Variants in PPP2R5B observed in about 807,000 individuals in gnomAD.
PPP2R5B encodes protein phosphatase 2 regulatory subunit B'beta.
Under a neutral mutation model 59.9 loss-of-function variants are expected in PPP2R5B, and 19 were observed. The ratio of observed to expected loss-of-function variants is 0.32; its 90% CI spans 0.22 to 0.47. The LOEUF is 0.47. Ranked by LOEUF, PPP2R5B falls within the 20% of genes least tolerant of loss-of-function variation. The pLI, the probability that PPP2R5B is intolerant of heterozygous loss-of-function variation, is 1.00. For synonymous variants in PPP2R5B, 286 were observed against 260.5 expected (o/e 1.10, Z -0.94); for missense variants, 441 against 640.2 (o/e 0.69, Z 3.36).
chr11:64,926,902 C>G lies in PPP2R5B; in HGVS notation c.390C>G (p.Ile130Met). 6.2e-7 allele frequency: 1 copy of G among 1,613,664 alleles called. No individual in the cohort carries two copies. The highest frequency in any genetic ancestry group is 8.5e-7 in the Non-Finnish European group (1 of 1,179,718). Residue 130 changes from isoleucine (I) to methionine (M), a missense_variant, in exon 3 of 14, where the codon ATC becomes ATG. This residue lies in a region of PPP2R5B where 268 missense variants were observed against 488.1 expected (regional missense o/e 0.55). Transcript: ENST00000164133. ...VLIEPVYPDIIRMISVNIFRT... is the reference protein window; with the variant it reads ...VLIEPVYPDIMRMISVNIFRT... ...TCGAGCCCGTCTACCCAGACATCAT[C>G]CGCATGGTGAGCACCTGCCACCCAG...
At chr11:64,917,775 C>T (rs1320076554) in intron 1 of PPP2R5B, 1 of 152,230 alleles carries the variant, frequency 6.6e-6, no homozygotes, top group African/African-American at 2.4e-5. Flanking sequence ...GAGAAAGACC[C>T]TGCCTCAAAA....
rs765577553 is a variant in PPP2R5B, at chr11:64,925,844, G to C, written c.110G>C (p.Arg37Pro). The change falls in exon 2 of 14, where the codon CGC becomes CCC. Residue 37 changes from arginine (R) to proline (P), a missense_variant. Arg to Pro is a moderately radical substitution (Grantham distance 103, BLOSUM62 -2). Around this residue, in one of 3 missense-constraint regions of PPP2R5B, gnomAD observed 103 missense variants for 87.9 expected, o/e 1.17. Transcript: ENST00000164133. This position sits in a 1 kb window ranked among gnomAD's most constrained non-coding sequence, Gnocchi z 4.6. ...KVDGFSRRSL[R>P]RARPRRSHSS... is the part of the protein sequence containing the mutation. The stretch of plus-strand genomic sequence containing the variant: ...GACGGCTTCTCCCGCCGTTCCCTCC[G>C]CAGAGCCCGGCCCCGCCGCTCCCAC... 6.3e-7 allele frequency: 1 copy of C among 1,595,800 alleles called. No homozygotes were observed. Among genetic ancestry groups the C allele is most frequent in the Non-Finnish European group, 8.5e-7 (1 of 1,172,520 alleles).
At position 64,927,782 on chromosome 11, in the gene PPP2R5B, A is replaced by T; in HGVS notation, c.397-20A>T. ...GTCTTCAAGGGCTTTTCCTTAATGA[A>T]CCCCAACTCTGCCACTCAGATCTCA... On this transcript the variant is annotated intron_variant, in intron 3 of 13. Transcript: ENST00000164133. 1 of 1,551,564 alleles carries T rather than the reference A, an allele frequency of 6.4e-7. No homozygotes were observed. The highest frequency in any genetic ancestry group is 8.9e-7 in the Non-Finnish European group (1 of 1,123,890).
At chr11:64,926,976 A>G in intron 3 of PPP2R5B, 68 bp downstream of exon 3, 2 of 1,538,048 alleles carry the variant, frequency 1.3e-6, no homozygotes, top group South Asian at 2.4e-5. Context: ...TCCTGTCCGC[A>G]GGACCCCTGC....
At chr11:64,922,617 G>T (rs1179870700), upstream of PPP2R5B, among the ~76,000 whole-genome samples, 3 of 152,176 alleles carry the variant, frequency 2.0e-5, no homozygotes, top group Non-Finnish European at 4.4e-5. Flanking sequence ...GCTCACGCCT[G>T]TAATCCCAGC....
At chr11:64,917,946 C>G (rs1945055624) in intron 1 of PPP2R5B, among the ~76,000 whole-genome samples, 1 of 152,204 alleles carries the variant, frequency 6.6e-6, no homozygotes, top group South Asian at 2.1e-4. Flanking sequence ...CTTTTCATAT[C>G]TCTAGTCCTA....
chr11:64,934,408 T>A lies in PPP2R5B; in HGVS notation c.*564T>A. Reference sequence around the variant, plus strand: ...CACAGTGTCCTGGGGTAAGGGGGGGTTCACAGTAATCATGGTCTACTCCTC... The same window carrying A: ...CACAGTGTCCTGGGGTAAGGGGGGGATCACAGTAATCATGGTCTACTCCTC... On this transcript the variant is annotated 3_prime_UTR_variant, in exon 14 of 14. Transcript: ENST00000164133. 6.2e-6 allele frequency: 2 copies of A among 323,584 alleles called. No individual in the cohort carries two copies. The highest frequency in any genetic ancestry group is 1.2e-5 in the Non-Finnish European group (2 of 171,038). 20.0% of individuals were successfully genotyped at this position (323,584 alleles called of 1,614,324 possible).
In PPP2R5B at chr11:64,926,887, C is replaced by G. The variant is rs890402098; in HGVS notation, c.375C>G (p.Val125=). 71 of 1,614,014 alleles carry G rather than the reference C, an allele frequency of 4.4e-5. No homozygotes were observed. Among genetic ancestry groups the G allele is most frequent in the Non-Finnish European group, 5.8e-5 (69 of 1,180,008 alleles). The change falls in exon 3 of 14, where the codon GTC becomes GTG. Residue 125 remains valine (V), a synonymous_variant. Coordinates refer to ENST00000164133, the MANE Select transcript of PPP2R5B (RefSeq NM_006244.4). The part of the protein sequence containing the change: ...GSTRGVLIEP[V]YPDIIRMISV... ...CCCGGGGTGTCCTCATCGAGCCCGTCTACCCAGACATCATCCGCATGGTGA... is the reference window on the plus strand; with the variant it reads ...CCCGGGGTGTCCTCATCGAGCCCGTGTACCCAGACATCATCCGCATGGTGA...
At position 64,924,972 on chromosome 11, in the gene PPP2R5B, C is replaced by T. The variant is rs879267107; in HGVS notation, c.-321C>T. 6.6e-6 allele frequency: 1 copy of T among 152,296 alleles called. No homozygotes were observed. The highest frequency in any genetic ancestry group is 1.5e-5 in the Non-Finnish European group (1 of 68,076). 9.4% of individuals were successfully genotyped at this position (152,296 alleles called of 1,614,324 possible). A position where few individuals can be genotyped will look rare whatever the true frequency, so the allele number is the denominator to read the frequency against. On this transcript the variant is annotated 5_prime_UTR_variant, in exon 1 of 14. Transcript: ENST00000164133. Reference sequence around the variant, plus strand: ...CTGCGAAGGGGCCCTGAACGGCCGTCGCCCTCCCTACGGGCAGCCCCCGGG... The same window carrying T: ...CTGCGAAGGGGCCCTGAACGGCCGTTGCCCTCCCTACGGGCAGCCCCCGGG...
chr11:64,918,514 G>A (rs1407249150), intron 1 of PPP2R5B, among the ~76,000 whole-genome samples: 4 of 151,896 alleles, frequency 2.6e-5, no homozygotes, highest in Admixed American at 6.6e-5. Flanking sequence ...ATGCACCACC[G>A]CACCCAGCTA....
At chr11:64,923,711 C>G (rs1414336893), upstream of PPP2R5B, among the ~76,000 whole-genome samples, 3 of 152,208 alleles carry the variant, frequency 2.0e-5, no homozygotes, top group East Asian at 5.8e-4. Context: ...CTAGTCCCCT[C>G]CCCGACCTCA....
intron 13 of PPP2R5B, 87 bp from the exon 14 acceptor site, chr11:64,933,610 G>A (rs535336362): frequency 6.9e-7 from 1 of 1,440,958 alleles, no homozygotes; most frequent in East Asian, 2.5e-5. Flanking sequence ...TTTGCCGGTG[G>A]GGTGGTAGTG....
In PPP2R5B at chr11:64,931,743, A is replaced by ACC. The variant is rs1565105623; in HGVS notation, c.997-4_997-3dup. On this transcript the variant is annotated splice_polypyrimidine_tract_variant and splice_region_variant and intron_variant, in intron 10 of 13. Transcript: ENST00000164133. The surrounding 1 kb of genome is among the most constrained non-coding windows in gnomAD (Gnocchi z 5.0). ...CTGTCCCTACTCCCCTCCCCAACCC[A>ACC]CCCAGGTGATGTTTCTGGGGGAGAT... 6.2e-7 allele frequency: 1 copy of ACC among 1,613,376 alleles called. No homozygotes were observed. The highest frequency in any genetic ancestry group is 2.2e-5 in the East Asian group (1 of 44,872).
In PPP2R5B at chr11:64,931,622, G is replaced by A; in HGVS notation, c.996+13G>A. The A allele has an allele frequency of 6.2e-7, 1 of 1,613,724 alleles. No homozygotes were observed. Among genetic ancestry groups the A allele is most frequent in the Non-Finnish European group, 8.5e-7 (1 of 1,179,976 alleles). ...CACCCAGAAGGAGGTATGAAGAAGG[G>A]CTTTGATGCCCGCCAGAGGGAGGCT... is the stretch of plus-strand genomic sequence containing the variant. On this transcript the variant is annotated intron_variant, in intron 10 of 13. Coordinates refer to ENST00000164133, the MANE Select transcript of PPP2R5B (RefSeq NM_006244.4). This position sits in a 1 kb window ranked among gnomAD's most constrained non-coding sequence, Gnocchi z 5.0.
chr11:64,930,706 C>A lies in PPP2R5B; in HGVS notation c.891+117C>A, dbSNP rs571637652. The stretch of plus-strand genomic sequence containing the variant: ...TCTCACCTTCTTTGTCTTTATAATT[C>A]TGTTCCATCTACCTTAGAAAATTCC... On this transcript the variant is annotated intron_variant, in intron 8 of 13. Coordinates refer to ENST00000164133, the MANE Select transcript of PPP2R5B (RefSeq NM_006244.4). The A allele has an allele frequency of 1.5e-4, 126 of 857,246 alleles. 4 individuals are homozygous for A. The South Asian group carries it at 1.8e-3, about 12-fold the overall frequency. The allele number at this position is 857,246 out of a possible 1,614,324, so 53.1% of individuals were successfully genotyped here.
chr11:64,928,533 T>C, intron 6 of PPP2R5B, 108 bp downstream of exon 6: 2 of 1,520,192 alleles, frequency 1.3e-6, no homozygotes, highest in African/African-American at 1.4e-5. Flanking sequence ...TCCCAGCACT[T>C]TGGGAGGCCG....
rs1945154665 is a variant in PPP2R5B at position 64,925,698 on chromosome 11, C to A, written c.-37C>A. On this transcript the variant is annotated 5_prime_UTR_variant, in exon 2 of 14. Coordinates refer to ENST00000164133, the MANE Select transcript of PPP2R5B (RefSeq NM_006244.4). This position sits in a 1 kb window ranked among gnomAD's most constrained non-coding sequence, Gnocchi z 4.6. ...CACCTCCCAGGCCCAGAGAGAACCC[C>A]CGGGGCTCTGAAAGCTTGCCCTGCC... is the stretch of plus-strand genomic sequence containing the variant. 7.9e-6 allele frequency: 11 copies of A among 1,395,164 alleles called. No individual in the cohort carries two copies. Among genetic ancestry groups the A allele is most frequent in the Non-Finnish European group, 1.1e-5 (11 of 998,734 alleles). 86.4% of individuals were successfully genotyped at this position (1,395,164 alleles called of 1,614,324 possible).
At chr11:64,927,217 T>G (rs1945176908) in intron 3 of PPP2R5B, among the ~76,000 whole-genome samples, 4 of 152,144 alleles carry the variant, frequency 2.6e-5, no homozygotes. Flanking sequence ...GCTGGAAATC[T>G]CCCTTTTCCT....
At position 64,933,782 on chromosome 11, in the gene PPP2R5B, G is replaced by A. The variant is rs1247137866; in HGVS notation, c.1432G>A (p.Ala478Thr). The A allele has an allele frequency of 3.9e-6, 6 of 1,553,912 alleles. No homozygotes were observed. In the Admixed American group the frequency reaches 1.2e-4, roughly 30 times the overall value. The change falls in exon 14 of 14, where the codon GCC becomes ACC. Residue 478 changes from alanine (A) to threonine (T), a missense_variant. By Grantham distance (58) the Ala-to-Thr change is moderately conservative. This residue lies in a region of PPP2R5B where 70 missense variants were observed against 64.2 expected (regional missense o/e 1.09). Transcript: ENST00000164133. ...ACGCCGGCTACAGGGGACCCAGGGG[G>A]CCAAGGAGGCCCCCCTCCAGCGGCT... is the stretch of plus-strand genomic sequence containing the variant. Reference protein sequence around the residue: ...RLRRLQGTQGAKEAPLQRLTP... With the variant: ...RLRRLQGTQGTKEAPLQRLTP...
Sources: gnomAD v4.1 joint callset for allele counts (sites outside exome capture counted in the v4.1 genomes callset) on GRCh38, gnomAD v4.1.1 for gene constraint, gnomAD v4.1.1 regional missense constraint, Gnocchi (gnomAD v3.1) non-coding constraint, MANE v1.5 for transcripts, NCBI Gene and HGNC (gene_info 2026-07-23, HGNC 2026-07-21) for gene names.